The following ATRN variants were observed in gnomAD, a reference collection of about 807,000 sequenced individuals.
The protein encoded by ATRN is attractin-2.
ATRN carries 54 observed loss-of-function variants against 178.7 expected under a neutral mutation model. The ratio of observed to expected loss-of-function variants is 0.30; its 90% CI spans 0.24 to 0.38. The LOEUF is 0.38. ATRN is among the 10% of genes least tolerant of loss of function. The pLI is 1.00. For missense variants in ATRN, 1,443 were observed against 1,815.1 expected (o/e 0.79, Z 3.73); for synonymous variants, 636 against 663.0 (o/e 0.96, Z 0.63).
Position 3,492,080 on chromosome 20 carries a change from G to A in ATRN, c.410+20563G>A, listed in dbSNP as rs116954635. Among the ~76,000 whole-genome samples the A allele has an allele frequency of 2.1e-3, 320 of 152,024 alleles. 2 individuals carry two copies. The highest frequency in any genetic ancestry group is 6.1e-3 in the Admixed American group (93 of 15,256). On this transcript the variant is annotated intron_variant, in intron 1 of 28. Coordinates refer to ENST00000262919, the MANE Select transcript of ATRN (RefSeq NM_139321.3). ...CAGGTTGAATGTAAGCCTTATTTGT[G>A]CTTATTTTTGCCTAATATTCAGGGC...
intron 22 of ATRN, among the ~76,000 whole-genome samples, chr20:3,599,417 A>G (rs1381278331): frequency 6.6e-6 from 1 of 152,180 alleles, no homozygotes; most frequent in South Asian, 2.1e-4. Flanking sequence ...ACCTTTCTGG[A>G]TTTCCCAGTT....
At chr20:3,611,623 T>TCC (rs1010129152) in intron 24 of ATRN, among the ~76,000 whole-genome samples, 38 of 152,218 alleles carry the variant, frequency 2.5e-4, no homozygotes, top group African/African-American at 8.7e-4. Context: ...ATGCCTATAG[T>TCC]CCCAGCTACT....
intron 7 of ATRN, 23 bp from the exon 8 acceptor site, chr20:3,560,639 T>G (rs2085937928): frequency 6.4e-7 from 1 of 1,562,420 alleles, no homozygotes; most frequent in African/African-American, 1.4e-5. Flanking sequence ...TTTTTAAAAA[T>G]TTTGTTTGCA....
chr20:3,586,104 T>G (rs932521209), intron 18 of ATRN, among the ~76,000 whole-genome samples: 1 of 152,228 alleles, frequency 6.6e-6, no homozygotes, highest in African/African-American at 2.4e-5. Flanking sequence ...ATATAAATGC[T>G]TATGCTTATA....
chr20:3,538,091 A>G (rs1211917487), intron 2 of ATRN, among the ~76,000 whole-genome samples: 2 of 147,664 alleles, frequency 1.4e-5, no homozygotes, highest in Non-Finnish European at 3.0e-5. Context: ...ATATCTCCCA[A>G]TGCTATCCCT....
intron 1 of ATRN, among the ~76,000 whole-genome samples, chr20:3,504,788 TAAA>T (rs2085017607): frequency 6.6e-6 from 1 of 151,192 alleles, no homozygotes; most frequent in Non-Finnish European, 1.5e-5. Context: ...GATGATAGAA[TAAA>T]AAATATAAAA....
chr20:3,551,962 A>T (rs887390809), intron 6 of ATRN, among the ~76,000 whole-genome samples: 1 of 152,210 alleles, frequency 6.6e-6, no homozygotes, highest in Non-Finnish European at 1.5e-5. Context: ...TACCTGAAAT[A>T]TGGCTAGTGT....
intron 1 of ATRN, among the ~76,000 whole-genome samples, chr20:3,486,582 TG>T (rs1286806350): frequency 6.6e-6 from 1 of 151,962 alleles, no homozygotes; most frequent in Admixed American, 6.6e-5. Flanking sequence ...TTAGTAGATA[TG>T]GGGTTTCACT....
intron 11 of ATRN, among the ~76,000 whole-genome samples, chr20:3,568,476 G>A (rs986360157): frequency 3.3e-5 from 5 of 151,628 alleles, no homozygotes; most frequent in African/African-American, 9.7e-5. Context: ...TGACGCCACT[G>A]CACTCCAGCC....
At chr20:3,563,960 A>G (rs1238383508) in intron 10 of ATRN, among the ~76,000 whole-genome samples, 1 of 152,328 alleles carries the variant, frequency 6.6e-6, no homozygotes, top group South Asian at 2.1e-4. Context: ...TAAATCCATC[A>G]CCGCCATCCA....
chr20:3,493,197 G>A lies in ATRN; in HGVS notation c.410+21680G>A, dbSNP rs552277997. ...GAGACAGGTTCTCACTCTGCCACCA[G>A]GCTGGAGTGCAGTGGCATGATCTAT... On this transcript the variant is annotated intron_variant, in intron 1 of 28. Transcript: ENST00000262919. Among the ~76,000 whole-genome samples the A allele has an allele frequency of 2.7e-5, 4 of 150,774 alleles. No individual in the cohort carries two copies. In the East Asian group the frequency reaches 7.8e-4, roughly 29 times the overall value.
chr20:3,631,289 G>A (rs1200415619), intron 25 of ATRN, among the ~76,000 whole-genome samples: 1 of 152,060 alleles, frequency 6.6e-6, no homozygotes, highest in Non-Finnish European at 1.5e-5. Flanking sequence ...TAAGGAAAAG[G>A]GGAAAGGTAT....
chr20:3,520,492 C>CT (rs1373528540), intron 1 of ATRN, among the ~76,000 whole-genome samples: 1 of 151,996 alleles, frequency 6.6e-6, no homozygotes. Flanking sequence ...TGAATGACAA[C>CT]TTTTTTCTTT....
intron 1 of ATRN, among the ~76,000 whole-genome samples, chr20:3,533,778 C>T (rs550178485): frequency 1.2e-4 from 18 of 152,184 alleles, no homozygotes; most frequent in African/African-American, 4.1e-4. Flanking sequence ...CTTTTTTCTA[C>T]ATCTATATCT....
Position 3,645,060 on chromosome 20 carries a change from G to A in ATRN, c.4165+792G>A, listed in dbSNP as rs150618966. On this transcript the variant is annotated intron_variant, in intron 28 of 28. Transcript: ENST00000262919. The surrounding 1 kb of genome is among the most constrained non-coding windows in gnomAD (Gnocchi z 4.7). The stretch of plus-strand genomic sequence containing the variant: ...TTCTATTTTGAAGACAGAAAATATG[G>A]AATACAGTTTTGAAAGTATCTCGCT... Among the ~76,000 whole-genome samples, 1 of 152,172 alleles carries A rather than the reference G, an allele frequency of 6.6e-6. No individual in the cohort carries two copies. Among genetic ancestry groups the A allele is most frequent in the African/African-American group, 2.4e-5 (1 of 41,440 alleles).
At chr20:3,509,054 A>C (rs541324600) in intron 1 of ATRN, among the ~76,000 whole-genome samples, 1 of 152,188 alleles carries the variant, frequency 6.6e-6, no homozygotes, top group Non-Finnish European at 1.5e-5. Flanking sequence ...TATTTAATCC[A>C]AAAAAAGGTA....
chr20:3,513,059 T>G (rs1204078654), intron 1 of ATRN, among the ~76,000 whole-genome samples: 10 of 152,258 alleles, frequency 6.6e-5, no homozygotes, highest in Admixed American at 2.0e-4. Context: ...TCTGTAGGTT[T>G]CCTGTTCACT....
Position 3,471,139 on chromosome 20 carries a change from G to A in ATRN, c.32G>A (p.Arg11Lys). ...GCTGCAGCGGCGGCAACTGAGGCAA[G>A]GCTGAGGAGGAGGACGGCGGCGACG... The part of the protein sequence containing the change: MVAAAAATEA[R>K]LRRRTAATAA... The change falls in exon 1 of 29, where the codon AGG (arginine) becomes AAG (lysine). Residue 11 changes from arginine to lysine, a missense_variant. Transcript: ENST00000262919. 6 of 1,509,366 alleles carry A rather than the reference G, an allele frequency of 4.0e-6. No individual in the cohort carries two copies. The highest frequency in any genetic ancestry group is 3.5e-6 in the Non-Finnish European group (4 of 1,135,716). The allele number at this position is 1,509,366 out of a possible 1,614,324, so 93.5% of individuals were successfully genotyped here.
rs552787031 is a variant in ATRN at position 3,613,440 on chromosome 20, C to T, written c.3801+9178C>T. On this transcript the variant is annotated intron_variant, in intron 24 of 28. Transcript: ENST00000262919. ...TTCCTGGGTAAATACATCATGTTCTCAACAAGGGCTGCATGTTTCTTTATT... is the reference window on the plus strand; with the variant it reads ...TTCCTGGGTAAATACATCATGTTCTTAACAAGGGCTGCATGTTTCTTTATT... Among the ~76,000 whole-genome samples the T allele has an allele frequency of 2.0e-5, 3 of 152,264 alleles. No individual in the cohort carries two copies. The South Asian group carries it at 6.2e-4, about 32-fold the overall frequency.
Sources: gnomAD v4.1 joint callset for allele counts (sites outside exome capture counted in the v4.1 genomes callset) on GRCh38, gnomAD v4.1.1 for gene constraint, Gnocchi (gnomAD v3.1) non-coding constraint, MANE v1.5 for transcripts, NCBI Gene and HGNC (gene_info 2026-07-23, HGNC 2026-07-21) for gene names.